The following PKP1 variants were observed in gnomAD, a reference collection of about 807,000 sequenced individuals.
PKP1 encodes the protein plakophilin-1.
Under a neutral mutation model 76.4 loss-of-function variants are expected in PKP1, and 27 were observed. That is an observed-to-expected ratio of 0.35 (90% confidence interval 0.26 to 0.49). The LOEUF (loss-of-function observed/expected upper bound fraction) is 0.49, where lower values mean the gene tolerates loss of function less well. Among genes scored for constraint, PKP1 ranks in the 20% least tolerant of loss-of-function variants. PKP1 has a pLI of 0.99. For synonymous variants in PKP1, 404 were observed against 384.2 expected, an observed-to-expected ratio of 1.05 and a Z score of -0.60; for missense variants, 964 against 955.2, an observed-to-expected ratio of 1.01 and a Z score of -0.12.
Position 201,330,148 on chromosome 1 carries a change from G to A in PKP1, c.*107G>A, listed in dbSNP as rs1657270355. 1 of 151,724 alleles carries A rather than the reference G, an allele frequency of 6.6e-6. No individual in the cohort carries two copies. Among genetic ancestry groups the A allele is most frequent in the Admixed American group, 6.6e-5 (1 of 15,236 alleles). The allele number at this position is 151,724 out of a possible 1,614,324, so 9.4% of individuals were successfully genotyped here. A position where few individuals can be genotyped will look rare whatever the true frequency, so the allele number is the denominator to read the frequency against. The stretch of plus-strand genomic sequence containing the variant: ...TCTGTCCATCCTATGCAGTATTTGG[G>A]AAAGTTCACAAGAAACTGAGAAGAA... On this transcript the variant is annotated 3_prime_UTR_variant, in exon 14 of 14. Transcript: ENST00000367324.
chr1:201,288,996 C>T (rs1655820373), intron 1 of PKP1, among the ~76,000 whole-genome samples: 1 of 152,206 alleles, frequency 6.6e-6, no homozygotes, highest in African/African-American at 2.4e-5. Context: ...AAGAGCCACA[C>T]CAAAGTGCCC....
At chr1:201,327,278 G>A (rs560096760) in intron 12 of PKP1, among the ~76,000 whole-genome samples, 8 of 152,340 alleles carry the variant, frequency 5.3e-5, no homozygotes, top group South Asian at 4.1e-4. Context: ...AGGGATGGAG[G>A]ACAGGGAAGC....
chr1:201,331,745 G>A lies in PKP1; in HGVS notation c.*1704G>A, dbSNP rs961974311. The A allele has an allele frequency of 2.6e-5, 4 of 152,302 alleles. No individual in the cohort carries two copies. The highest frequency in any genetic ancestry group is 9.6e-5 in the African/African-American group (4 of 41,452). 9.4% of individuals were successfully genotyped at this position (152,302 alleles called of 1,614,324 possible). On this transcript the variant is annotated 3_prime_UTR_variant, in exon 14 of 14. Coordinates refer to ENST00000367324, the MANE Select transcript of PKP1 (RefSeq NM_001005337.3). ...AGATGGGGGACGCCAGACATGTGAG[G>A]ACGCTGTCCTCCGAGAGGTGTCCCC...
In PKP1 at chr1:201,311,016, G is replaced by A. The variant is rs145445153; in HGVS notation, c.307-2150G>A. ...CATGATCACATGTTTGCTGGTTTTG[G>A]GCCAGGATGAGTGTTTGGGCTTCTC... On this transcript the variant is annotated intron_variant, in intron 2 of 13. Coordinates refer to ENST00000367324, the MANE Select transcript of PKP1 (RefSeq NM_001005337.3). Among the ~76,000 whole-genome samples, 480 of 152,306 alleles carry A rather than the reference G, an allele frequency of 3.2e-3. 1 individual carries two copies. The highest frequency in any genetic ancestry group is 0.011 in the African/African-American group (448 of 41,564).
chr1:201,311,378 G>A (rs1656546725), intron 2 of PKP1, among the ~76,000 whole-genome samples: 1 of 152,210 alleles, frequency 6.6e-6, no homozygotes, highest in South Asian at 2.1e-4. Flanking sequence ...GAGTAGGTTG[G>A]TTGACCCAGT....
chr1:201,311,341 C>T (rs1656545849), intron 2 of PKP1, among the ~76,000 whole-genome samples: 1 of 152,216 alleles, frequency 6.6e-6, no homozygotes, highest in Non-Finnish European at 1.5e-5. Context: ...TATGCCTCTC[C>T]CAACAACCAG....
intron 2 of PKP1, among the ~76,000 whole-genome samples, chr1:201,298,158 T>C (rs151073647): frequency 6.6e-6 from 1 of 152,282 alleles, no homozygotes; most frequent in Non-Finnish European, 1.5e-5. Flanking sequence ...GCATTTCTGG[T>C]GAGAAAAGGA....
Position 201,323,115 on chromosome 1 carries a change from G to A in PKP1, c.1606G>A (p.Gly536Ser). 10 of 1,614,158 alleles carry A rather than the reference G, an allele frequency of 6.2e-6. 1 individual carries two copies. The highest frequency in any genetic ancestry group is 8.5e-6 in the Non-Finnish European group (10 of 1,180,030). Residue 536 changes from glycine to serine, a missense_variant, in exon 9 of 14, where the codon GGC (glycine) becomes AGC (serine). By Grantham distance (56) the Gly-to-Ser change is moderately conservative. Transcript: ENST00000367324. ...DAIRTYLNLM[G>S]KSKKDATLEA... is the part of the protein sequence containing the mutation. ...CATCCGCACCTACCTGAACCTCATG[G>A]GCAAGAGCAAGAAAGATGCTACCCT...
At chr1:201,311,053 G>A (rs1053048235) in intron 2 of PKP1, among the ~76,000 whole-genome samples, 2 of 152,214 alleles carry the variant, frequency 1.3e-5, no homozygotes, top group Non-Finnish European at 2.9e-5. Context: ...TTAGGTGTCT[G>A]AGATGACGTC....
chr1:201,328,341 G>A, intron 12 of PKP1: 1 of 318,128 alleles, frequency 3.1e-6, no homozygotes, highest in Non-Finnish European at 6.1e-6. Context: ...CTGTGTTTGA[G>A]AAACAATGGG....
Position 201,318,553 on chromosome 1 carries a change from G to A in PKP1, c.1055-65G>A. 3.4e-6 allele frequency: 5 copies of A among 1,469,116 alleles called. No individual in the cohort carries two copies. In the South Asian group the frequency reaches 3.4e-5, roughly 10 times the overall value. The allele number at this position is 1,469,116 out of a possible 1,614,324, so 91.0% of individuals were successfully genotyped here. A position where few individuals can be genotyped will look rare whatever the true frequency, so the allele number is the denominator to read the frequency against. ...ATTTGCCAGAGTCCAGGCTGGGGCT[G>A]TTACCTCGGTCCCTAGGGCATCCTG... is the stretch of plus-strand genomic sequence containing the variant. On this transcript the variant is annotated intron_variant, in intron 5 of 13. Transcript: ENST00000367324.
intron 1 of PKP1, among the ~76,000 whole-genome samples, chr1:201,284,424 G>A (rs776680548): frequency 2.0e-4 from 30 of 152,230 alleles, no homozygotes; most frequent in Non-Finnish European, 3.2e-4. Context: ...AGGCCAAGGG[G>A]AACCCCAGTC....
intron 11 of PKP1, 68 bp from the exon 12 acceptor site, chr1:201,325,686 G>A: frequency 1.7e-6 from 2 of 1,195,938 alleles, no homozygotes; most frequent in African/African-American, 3.0e-5. Flanking sequence ...GGGGGTGGGA[G>A]GGAAGAGGGT....
rs1222099337 is a variant in PKP1 at position 201,317,630 on chromosome 1, A to G, written c.905A>G (p.Asn302Ser). ...GACCTCCTCCGCAGCCCCAACCAGA[A>G]CGTCCAGCAGGCCGCGGCAGGGGCC... The part of the protein sequence containing the change: ...LVDLLRSPNQ[N>S]VQQAAAGALR... Residue 302 changes from asparagine (N) to serine (S), a missense_variant, in exon 5 of 14, where the codon AAC becomes AGC. Transcript: ENST00000367324. The G allele has an allele frequency of 1.9e-6, 3 of 1,613,958 alleles. No individual in the cohort carries two copies. The highest frequency in any genetic ancestry group is 1.7e-5 in the Admixed American group (1 of 60,002).
chr1:201,320,347 A>G lies in PKP1; in HGVS notation c.1313A>G (p.Gln438Arg). ...ATTGATTCCCTCATGGCCTATGTCC[A>G]GAACTGTGTAGCGGCCAGCCGCTGT... The part of the protein sequence containing the change: ...GLIDSLMAYV[Q>R]NCVAASRCDD... Residue 438 changes from glutamine (Q) to arginine (R), a missense_variant, in exon 7 of 14, where the codon CAG becomes CGG. Physicochemically the swap from Gln to Arg is conservative, Grantham distance 43 (BLOSUM62 1). Coordinates refer to ENST00000367324, the MANE Select transcript of PKP1 (RefSeq NM_001005337.3). The G allele has an allele frequency of 6.2e-7, 1 of 1,613,900 alleles. No individual in the cohort carries two copies. Among genetic ancestry groups the G allele is most frequent in the Non-Finnish European group, 8.5e-7 (1 of 1,179,778 alleles).
chr1:201,321,385 A>G (rs1045422848), intron 7 of PKP1, among the ~76,000 whole-genome samples: 7 of 152,090 alleles, frequency 4.6e-5, no homozygotes, highest in African/African-American at 1.7e-4. Flanking sequence ...TTGCCAAAGG[A>G]GATTGACAAA....
At chr1:201,287,064 C>A (rs1228268939) in intron 1 of PKP1, among the ~76,000 whole-genome samples, 1 of 152,226 alleles carries the variant, frequency 6.6e-6, no homozygotes, top group African/African-American at 2.4e-5. Flanking sequence ...ACAACACCAG[C>A]ACCATTGCCT....
intron 6 of PKP1, among the ~76,000 whole-genome samples, chr1:201,319,265 A>G (rs1349942855): frequency 6.6e-6 from 1 of 152,038 alleles, no homozygotes; most frequent in Admixed American, 6.5e-5. Context: ...TAAGTTCCAT[A>G]CCAGGGTGTG....
intron 2 of PKP1, among the ~76,000 whole-genome samples, chr1:201,304,689 A>G (rs1013638373): frequency 4.6e-5 from 7 of 152,144 alleles, no homozygotes; most frequent in African/African-American, 1.2e-4. Context: ...CAGAGATGCT[A>G]GAGTTTCTGT....
Sources: gnomAD v4.1 joint callset for allele counts (sites outside exome capture counted in the v4.1 genomes callset) on GRCh38, gnomAD v4.1.1 for gene constraint, MANE v1.5 for transcripts, NCBI Gene and HGNC (gene_info 2026-07-23, HGNC 2026-07-21) for gene names.